The following SNTG1 variants were observed in gnomAD, a reference collection of about 807,000 sequenced individuals.
SNTG1 encodes the protein gamma-1-syntrophin.
SNTG1 carries 39 observed loss-of-function variants against 74.7 expected under a neutral mutation model. The ratio of observed to expected loss-of-function variants is 0.52; its 90% CI spans 0.40 to 0.68. SNTG1 has a LOEUF of 0.68. Ranked by LOEUF, SNTG1 falls within the 30% of genes least tolerant of loss-of-function variation. The pLI is 0.00. For synonymous variants in SNTG1, 254 were observed against 217.1 expected (o/e 1.17, Z -1.49); for missense variants, 685 against 609.5 (o/e 1.12, Z -1.30).
At chr8:50,054,623 C>CA (rs1819870862) in intron 1 of SNTG1, among the ~76,000 whole-genome samples, 1 of 152,032 alleles carries the variant, frequency 6.6e-6, no homozygotes, top group Non-Finnish European at 1.5e-5. Flanking sequence ...AATTTTTAAC[C>CA]TGGTGATCGA....
intron 17 of SNTG1, among the ~76,000 whole-genome samples, chr8:50,740,285 A>G (rs1373008836): frequency 6.6e-6 from 1 of 151,522 alleles, no homozygotes; most frequent in Non-Finnish European, 1.5e-5. Flanking sequence ...GAAAAAAAAA[A>G]CAGCCTTATT....
chr8:50,123,645 A>G (rs2081061586), intron 1 of SNTG1, among the ~76,000 whole-genome samples: 1 of 142,778 alleles, frequency 7.0e-6, no homozygotes, highest in South Asian at 2.6e-4. Flanking sequence ...CTTTCAGAAT[A>G]AAATCTGGTC....
At chr8:50,457,594 G>A (rs1032101523) in intron 8 of SNTG1, among the ~76,000 whole-genome samples, 1 of 152,112 alleles carries the variant, frequency 6.6e-6, no homozygotes, top group Non-Finnish European at 1.5e-5. Flanking sequence ...GATAAAAGAG[G>A]AGGAGAAGAG....
chr8:49,969,173 T>C (rs1811411188), intron 1 of SNTG1, among the ~76,000 whole-genome samples: 1 of 152,104 alleles, frequency 6.6e-6, no homozygotes, highest in Non-Finnish European at 1.5e-5. Flanking sequence ...ATTTTTCTTT[T>C]TAATAACGTG....
intron 18 of SNTG1, among the ~76,000 whole-genome samples, chr8:50,789,678 C>A (rs1006521687): frequency 2.4e-4 from 37 of 152,094 alleles, no homozygotes; most frequent in Admixed American, 6.6e-4. Flanking sequence ...CTTTCAAATT[C>A]AACCCCTTTC....
Position 50,553,153 on chromosome 8 carries a change from A to T in SNTG1, c.784A>T (p.Asn262Tyr), listed in dbSNP as rs760441726. The T allele has an allele frequency of 9.9e-6, 16 of 1,613,798 alleles. No individual in the cohort carries two copies. The African/African-American group carries it at 2.0e-4, about 20-fold the overall frequency. Residue 262 changes from asparagine (N) to tyrosine (Y), a missense_variant, in exon 12 of 19, where the codon AAC (asparagine) becomes TAC (tyrosine). Transcript: ENST00000642720. ...CVDWLQAIAT[N>Y]ISNLTKHNIK... ...TGACTGGCTACAAGCAATAGCAACTAACATTTCAAATCTCACAAAGCACAA... is the reference window on the plus strand; with the variant it reads ...TGACTGGCTACAAGCAATAGCAACTTACATTTCAAATCTCACAAAGCACAA...
intron 2 of SNTG1, among the ~76,000 whole-genome samples, chr8:50,302,865 G>C (rs2089714111): frequency 6.6e-6 from 1 of 152,040 alleles, no homozygotes; most frequent in South Asian, 2.1e-4. Flanking sequence ...ATATGCTTTT[G>C]GTCAATTTCT....
rs984626006 is a variant in SNTG1 at position 50,795,094 on chromosome 8, A to C, written c.*2265A>C. On this transcript the variant is annotated 3_prime_UTR_variant, in exon 19 of 19. Coordinates refer to ENST00000642720, the MANE Select transcript of SNTG1 (RefSeq NM_018967.5). ...TATATATAAATATAATGAAATGCTG[A>C]CCATTAATTATATTAGAAGAATGTT... is the stretch of plus-strand genomic sequence containing the variant. 1.3e-5 allele frequency: 2 copies of C among 151,898 alleles called. No homozygotes were observed. The highest frequency in any genetic ancestry group is 2.4e-5 in the African/African-American group (1 of 41,406). 9.4% of individuals were successfully genotyped at this position (151,898 alleles called of 1,614,324 possible).
chr8:50,384,399 T>G (rs1436848661), intron 2 of SNTG1, among the ~76,000 whole-genome samples: 5 of 152,186 alleles, frequency 3.3e-5, no homozygotes, highest in Non-Finnish European at 7.3e-5. Flanking sequence ...AAATGGCAAT[T>G]TTAGCAAGAA....
chr8:50,277,967 A>G (rs796489270), intron 2 of SNTG1, among the ~76,000 whole-genome samples: 1 of 152,198 alleles, frequency 6.6e-6, no homozygotes, highest in Non-Finnish European at 1.5e-5. Flanking sequence ...TGAGGTCAGG[A>G]GTTTCAGGCC....
At chr8:50,206,983 G>T (rs1444719193) in intron 2 of SNTG1, among the ~76,000 whole-genome samples, 4 of 152,106 alleles carry the variant, frequency 2.6e-5, no homozygotes, top group Non-Finnish European at 5.9e-5. Flanking sequence ...TTTTATTGAG[G>T]ATTTTTGCAT....
chr8:50,181,294 T>C (rs2083197035), intron 2 of SNTG1, among the ~76,000 whole-genome samples: 1 of 152,256 alleles, frequency 6.6e-6, no homozygotes, highest in Admixed American at 6.5e-5. Flanking sequence ...AGATCCTGCA[T>C]CTGGATATTT....
intron 1 of SNTG1, among the ~76,000 whole-genome samples, chr8:50,023,137 A>C (rs1346505256): frequency 6.6e-6 from 1 of 152,164 alleles, no homozygotes; most frequent in Non-Finnish European, 1.5e-5. Flanking sequence ...CAGGCTCTGG[A>C]AGAACAGAGT....
intron 1 of SNTG1, among the ~76,000 whole-genome samples, chr8:49,967,515 A>G (rs1734746066): frequency 6.6e-6 from 1 of 152,112 alleles, no homozygotes. Context: ...TTCACTTTTC[A>G]TTGATTTTTG....
chr8:50,047,691 A>C (rs986036451), intron 1 of SNTG1, among the ~76,000 whole-genome samples: 1 of 152,170 alleles, frequency 6.6e-6, no homozygotes, highest in Admixed American at 6.5e-5. Flanking sequence ...ATGTCCTCCC[A>C]GTCACCTTCT....
intron 2 of SNTG1, among the ~76,000 whole-genome samples, chr8:50,324,360 T>A (rs751016012): frequency 6.6e-6 from 1 of 152,230 alleles, no homozygotes; most frequent in East Asian, 1.9e-4. Context: ...GTTGTTGGCA[T>A]TGGCAATTTA....
rs1478169990 is a variant in SNTG1, at chr8:50,124,684, T to C, written c.-102-47877T>C. 5.7e-5 allele frequency among the ~76,000 whole-genome samples: 8 copies of C among 141,226 alleles called. 3 individuals carry two copies. Among genetic ancestry groups the C allele is most frequent in the Non-Finnish European group, 1.3e-4 (8 of 63,510 alleles). 92.6% of individuals were successfully genotyped at this position (141,226 alleles called of 152,430 possible). A position where few individuals can be genotyped will look rare whatever the true frequency, so the allele number is the denominator to read the frequency against. On this transcript the variant is annotated intron_variant, in intron 1 of 18. Transcript: ENST00000642720. ...AATTATTGGTGAATAAGACAGAAAA[T>C]GATCCTGTTCCCATGCCAAATTACC...
chr8:49,963,607 C>T (rs1372984658), intron 1 of SNTG1, among the ~76,000 whole-genome samples: 1 of 152,130 alleles, frequency 6.6e-6, no homozygotes, highest in Admixed American at 6.5e-5. Context: ...GCCCCTATAT[C>T]TTGCTCCTCT....
chr8:50,272,404 CCT>C (rs2087831128), intron 2 of SNTG1, among the ~76,000 whole-genome samples: 1 of 152,150 alleles, frequency 6.6e-6, no homozygotes, highest in Non-Finnish European at 1.5e-5. Context: ...TTCCCTGGAT[CCT>C]CTGTCAGCTT....
Sources: allele counts gnomAD v4.1 joint callset (sites outside exome capture counted in the v4.1 genomes callset), GRCh38; gene constraint gnomAD v4.1.1; transcripts MANE v1.5; gene names NCBI Gene and HGNC (gene_info 2026-07-23, HGNC 2026-07-21).